Variants in CPNE4 observed in about 807,000 individuals in gnomAD.
The protein encoded by CPNE4 is copine-4.
Under a neutral mutation model 67.9 loss-of-function variants are expected in CPNE4, and 25 were observed. That is an observed-to-expected ratio of 0.37 (90% CI 0.27 to 0.51). The LOEUF (loss-of-function observed/expected upper bound fraction) is 0.51. Ranked by LOEUF, CPNE4 falls within the 20% of genes least tolerant of loss-of-function variation. The pLI is 0.93. For synonymous variants in CPNE4, 242 were observed against 244.9 expected (o/e 0.99, Z 0.11); for missense variants, 464 against 690.8 (o/e 0.67, Z 3.68).
At chr3:131,943,822 G>A (rs1267722449) in intron 1 of CPNE4, among the ~76,000 whole-genome samples, 3 of 151,974 alleles carry the variant, frequency 2.0e-5, no homozygotes, top group Non-Finnish European at 4.4e-5. Context: ...GTACAAAACC[G>A]CTCCCTCCTT....
rs148198819 is a variant in CPNE4 at position 131,873,673 on chromosome 3, T to C, written c.180+31591A>G. ...AGGATATGTGCTGAAAATTCAGTAA[T>C]GACTAATGCCCAGTCCCTGCCCCTG... is the stretch of plus-strand genomic sequence containing the variant. On this transcript the variant is annotated intron_variant, in intron 2 of 15. Coordinates refer to ENST00000429747, the MANE Select transcript of CPNE4 (RefSeq NM_130808.3). 7.5e-4 allele frequency among the ~76,000 whole-genome samples: 114 copies of C among 152,326 alleles called. 1 individual carries two copies. The highest frequency in any genetic ancestry group is 2.7e-3 in the African/African-American group (112 of 41,586).
intron 10 of CPNE4, among the ~76,000 whole-genome samples, chr3:131,565,369 T>A (rs1937001567): frequency 6.6e-6 from 1 of 152,056 alleles, no homozygotes; most frequent in African/African-American, 2.4e-5. Context: ...TATTTTTTCA[T>A]ATGATCTTGG....
At chr3:131,987,360 G>C (rs2073078883) in intron 1 of CPNE4, among the ~76,000 whole-genome samples, 1 of 151,246 alleles carries the variant, frequency 6.6e-6, no homozygotes, top group South Asian at 2.1e-4. Context: ...CTTTAGGTTA[G>C]TACACTTTAC....
chr3:131,565,831 A>T (rs1013675975), intron 10 of CPNE4, among the ~76,000 whole-genome samples: 8 of 151,840 alleles, frequency 5.3e-5, no homozygotes, highest in African/African-American at 1.9e-4. Context: ...AAAAAAAAAA[A>T]AAAAGGTTAT....
At chr3:131,623,714 A>C (rs955969051) in intron 7 of CPNE4, among the ~76,000 whole-genome samples, 6 of 152,202 alleles carry the variant, frequency 3.9e-5, no homozygotes, top group African/African-American at 9.7e-5. Flanking sequence ...GCATATTCCC[A>C]AGTTGCATCC....
intron 2 of CPNE4, among the ~76,000 whole-genome samples, chr3:131,828,813 G>A (rs951031394): frequency 6.6e-6 from 1 of 152,054 alleles, no homozygotes; most frequent in Non-Finnish European, 1.5e-5. Flanking sequence ...TCCATCCTGG[G>A]TGACAGTAAG....
chr3:131,747,414 C>T (rs1243859501), intron 2 of CPNE4, among the ~76,000 whole-genome samples: 1 of 152,114 alleles, frequency 6.6e-6, no homozygotes, highest in African/African-American at 2.4e-5. Flanking sequence ...TCAGGTCTTA[C>T]ATTTAAGTCT....
chr3:131,615,651 T>A (rs1940091899), intron 7 of CPNE4, among the ~76,000 whole-genome samples: 1 of 152,114 alleles, frequency 6.6e-6, no homozygotes, highest in South Asian at 2.1e-4. Flanking sequence ...GATCATAAGT[T>A]TTTTATAGGA....
rs1262282173 is a variant in CPNE4 at position 131,905,494 on chromosome 3, A to G, written c.-1-50T>C. Reference sequence around the variant, plus strand: ...AAAAAGAAGTGCCAATCACTGCAATATTTGTCAAAGGAGAAAGCCTCCCAA... The same window carrying G: ...AAAAAGAAGTGCCAATCACTGCAATGTTTGTCAAAGGAGAAAGCCTCCCAA... On this transcript the variant is annotated intron_variant, in intron 1 of 15. Coordinates refer to ENST00000429747, the MANE Select transcript of CPNE4 (RefSeq NM_130808.3). 9 of 1,513,138 alleles carry G rather than the reference A, an allele frequency of 5.9e-6. No individual in the cohort carries two copies. The African/African-American group carries it at 8.3e-5, about 14-fold the overall frequency. 93.7% of individuals were successfully genotyped at this position (1,513,138 alleles called of 1,614,324 possible).
chr3:131,664,458 A>G (rs1317705353), intron 7 of CPNE4, among the ~76,000 whole-genome samples: 1 of 152,214 alleles, frequency 6.6e-6, no homozygotes, highest in Non-Finnish European at 1.5e-5. Context: ...ATAAGTAAGC[A>G]TTGTGTTATA....
At chr3:131,897,169 G>A (rs538579548) in intron 2 of CPNE4, among the ~76,000 whole-genome samples, 5 of 152,200 alleles carry the variant, frequency 3.3e-5, no homozygotes, top group African/African-American at 1.2e-4. Context: ...TGCCTCCACA[G>A]AGAACTGGAT....
intron 1 of CPNE4, among the ~76,000 whole-genome samples, chr3:131,973,729 T>G (rs958443501): frequency 6.6e-6 from 1 of 152,306 alleles, no homozygotes; most frequent in East Asian, 1.9e-4. Context: ...GGAAAGAATG[T>G]TTTGAACAGT....
chr3:132,034,916 G>A lies in CPNE4; in HGVS notation c.-351C>T. The stretch of plus-strand genomic sequence containing the variant: ...GAGAAAAGAGGGAGGGAGTGGAGTG[G>A]AGCGAGGGAGGAAGGAAAGGAGGGT... On this transcript the variant is annotated 5_prime_UTR_variant, in exon 1 of 16. Transcript: ENST00000429747. 1 of 985,470 alleles carries A rather than the reference G, an allele frequency of 1.0e-6. No homozygotes were observed. The highest frequency in any genetic ancestry group is 1.2e-6 in the Non-Finnish European group (1 of 830,004). 61.0% of individuals were successfully genotyped at this position (985,470 alleles called of 1,614,324 possible).
intron 1 of CPNE4, among the ~76,000 whole-genome samples, chr3:131,975,751 G>C (rs1370811358): frequency 2.0e-5 from 3 of 152,122 alleles, no homozygotes; most frequent in African/African-American, 7.2e-5. Flanking sequence ...TAGCACTTCT[G>C]TTTGTGTATT....
At position 131,717,885 on chromosome 3, in the gene CPNE4, TC is replaced by T. The variant is rs1560172916; in HGVS notation, c.360+5560del. Among the ~76,000 whole-genome samples, 12 of 12,578 alleles carry T rather than the reference TC, an allele frequency of 9.5e-4. 1 individual carries two copies. The highest frequency in any genetic ancestry group is 1.6e-3 in the Non-Finnish European group (9 of 5,466). 8.3% of individuals were successfully genotyped at this position (12,578 alleles called of 152,430 possible). On this transcript the variant is annotated intron_variant, in intron 3 of 15. Coordinates refer to ENST00000429747, the MANE Select transcript of CPNE4 (RefSeq NM_130808.3). The stretch of plus-strand genomic sequence containing the variant: ...CCTTTCTTTCTTTCTTTTCTTTCTT[TC>T]TTTCTTTCTTTCTTTCTTTCTTTCT...
intron 2 of CPNE4, among the ~76,000 whole-genome samples, chr3:131,769,757 A>T (rs1489485991): frequency 6.6e-6 from 1 of 152,128 alleles, no homozygotes; most frequent in African/African-American, 2.4e-5. Context: ...GGAAGGAAAG[A>T]GCTTCTTCCC....
intron 2 of CPNE4, among the ~76,000 whole-genome samples, chr3:131,771,187 A>G (rs1246039732): frequency 6.6e-6 from 1 of 152,184 alleles, no homozygotes; most frequent in African/African-American, 2.4e-5. Context: ...TGCTCGATCA[A>G]TAGATGTTGA....
intron 7 of CPNE4, among the ~76,000 whole-genome samples, chr3:131,644,389 T>C (rs1422434956): frequency 6.6e-6 from 1 of 152,162 alleles, no homozygotes; most frequent in Non-Finnish European, 1.5e-5. Context: ...CCTCATGATC[T>C]GCCTGCCTTG....
chr3:131,600,851 C>T (rs1384594511), intron 7 of CPNE4, among the ~76,000 whole-genome samples: 3 of 152,136 alleles, frequency 2.0e-5, no homozygotes, highest in African/African-American at 7.2e-5. Context: ...TCTATGTGCT[C>T]CTTATATCTT....
Sources: gnomAD v4.1 joint callset for allele counts (sites outside exome capture counted in the v4.1 genomes callset) on GRCh38, gnomAD v4.1.1 for gene constraint, MANE v1.5 for transcripts, NCBI Gene and HGNC (gene_info 2026-07-23, HGNC 2026-07-21) for gene names.